LDLRAP1: variants seen among roughly 807,000 people sequenced by gnomAD.
The protein encoded by LDLRAP1 is low density lipoprotein receptor adapter protein 1.
LDLRAP1 carries 30 observed loss-of-function variants against 37.8 expected under a neutral mutation model. The observed-to-expected ratio is 0.79, with a 90% CI of 0.59 to 1.08. The LOEUF is 1.08. LDLRAP1 is among the 50% of genes least tolerant of loss of function. The probability of loss-of-function intolerance (pLI) is 0.00; values close to 1 mark genes in which losing one functional copy is unlikely to be tolerated. For synonymous variants in LDLRAP1, 156 were observed against 169.8 expected, an observed-to-expected ratio of 0.92 and a Z score of 0.63; for missense variants, 375 against 401.6, an observed-to-expected ratio of 0.93 and a Z score of 0.57.
chr1:25,579,146 A>G, the LDLRAP1 span, among the ~76,000 whole-genome samples: 1 of 152,164 alleles, frequency 6.6e-6, no homozygotes, highest in Non-Finnish European at 1.5e-5. Context: ...CAGGCTACCA[A>G]CATGACATCA....
chr1:25,583,099 C>T, the LDLRAP1 span, among the ~76,000 whole-genome samples: 1 of 151,184 alleles, frequency 6.6e-6, no homozygotes, highest in Non-Finnish European at 1.5e-5. Context: ...CCATTCCACT[C>T]TCTTTTTGTT....
chr1:25,559,176 A>G (rs182205404), intron 4 of LDLRAP1, among the ~76,000 whole-genome samples: 69 of 152,098 alleles, frequency 4.5e-4, no homozygotes, highest in African/African-American at 1.6e-3. Context: ...GTCTTTTAGG[A>G]GGCCACACAG....
chr1:25,562,253 T>C (rs2044359683), intron 4 of LDLRAP1, among the ~76,000 whole-genome samples: 1 of 152,160 alleles, frequency 6.6e-6, no homozygotes, highest in South Asian at 2.1e-4. Flanking sequence ...CCACAGGTAA[T>C]TAGGGAGGGT....
At chr1:25,546,363 G>T (rs1428298738) in intron 1 of LDLRAP1, among the ~76,000 whole-genome samples, 5 of 152,188 alleles carry the variant, frequency 3.3e-5, no homozygotes, top group African/African-American at 1.2e-4. Flanking sequence ...AAGAAGCCCA[G>T]AGAAGGGCAG....
At chr1:25,562,514 T>C in intron 4 of LDLRAP1, 130 bp from the exon 5 acceptor site, 1 of 763,150 alleles carries the variant, frequency 1.3e-6, no homozygotes. Flanking sequence ...TTCCAGAGCC[T>C]GGGATGGAGC....
chr1:25,571,717 A>C (rs1402350823), downstream of LDLRAP1, among the ~76,000 whole-genome samples: 2 of 152,230 alleles, frequency 1.3e-5, no homozygotes, highest in Non-Finnish European at 2.9e-5. Context: ...TTGGCAAATC[A>C]GGATGACCTT....
At position 25,554,204 on chromosome 1, in the gene LDLRAP1, T is replaced by G; in HGVS notation, c.231+140T>G. ...CCCTTCATTCTCCTTCCATCCAGCT[T>G]TTGGGCCTTGGCAGAGGGGAACCAT... On this transcript the variant is annotated intron_variant, in intron 2 of 8. Coordinates refer to ENST00000374338, the MANE Select transcript of LDLRAP1 (RefSeq NM_015627.3). The surrounding 1 kb of genome is among the most constrained non-coding windows in gnomAD (Gnocchi z 5.4). The G allele has an allele frequency of 8.9e-7, 1 of 1,127,110 alleles. No individual in the cohort carries two copies. Among genetic ancestry groups the G allele is most frequent in the Admixed American group, 2.1e-5 (1 of 48,748 alleles). The allele number at this position is 1,127,110 out of a possible 1,614,324, so 69.8% of individuals were successfully genotyped here.
intron 1 of LDLRAP1, among the ~76,000 whole-genome samples, chr1:25,549,636 CG>C (rs1344537548): frequency 3.3e-5 from 5 of 152,180 alleles, no homozygotes; most frequent in African/African-American, 1.2e-4. Context: ...TAACTAGGAC[CG>C]GAACAGGGCT....
chr1:25,574,566 G>A, the LDLRAP1 span, among the ~76,000 whole-genome samples: 4 of 152,186 alleles, frequency 2.6e-5, no homozygotes, highest in Non-Finnish European at 5.9e-5. Flanking sequence ...TCTGTGTGTC[G>A]GGAGCCCTGT....
downstream of LDLRAP1, among the ~76,000 whole-genome samples, chr1:25,571,938 G>A (rs1016902300): frequency 2.0e-5 from 3 of 152,144 alleles, no homozygotes; most frequent in Admixed American, 6.5e-5. Context: ...TGACCCCCTC[G>A]CAGTCCAGGG....
At chr1:25,582,258 T>TC in the LDLRAP1 span, among the ~76,000 whole-genome samples, 2 of 152,318 alleles carry the variant, frequency 1.3e-5, no homozygotes, top group East Asian at 1.9e-4. Context: ...CTAAGATACT[T>TC]CCCCCGCTCT....
In LDLRAP1 at chr1:25,563,013, G is replaced by C. The variant is rs778972911; in HGVS notation, c.533-57G>C. The C allele has an allele frequency of 3.3e-6, 5 of 1,529,638 alleles. No homozygotes were observed. The African/African-American group carries it at 4.1e-5, about 13-fold the overall frequency. 94.8% of individuals were successfully genotyped at this position (1,529,638 alleles called of 1,614,324 possible). A position where few individuals can be genotyped will look rare whatever the true frequency, so the allele number is the denominator to read the frequency against. On this transcript the variant is annotated intron_variant, in intron 5 of 8. Transcript: ENST00000374338. ...CGCTAATCACCCCTGCCCGGTGATT[G>C]CTGGGGACAGAGTGCTGGGGTCTGA...
At position 25,566,977 on chromosome 1, in the gene LDLRAP1, C is replaced by G; in HGVS notation, c.912C>G (p.Asp304Glu). 1 of 1,613,448 alleles carries G rather than the reference C, an allele frequency of 6.2e-7. No individual in the cohort carries two copies. Among genetic ancestry groups the G allele is most frequent in the Non-Finnish European group, 8.5e-7 (1 of 1,180,024 alleles). ...KPDSSGTEQDDLFSF is the reference protein window; with the variant it reads ...KPDSSGTEQDELFSF ...ACAGCAGCGGCACAGAGCAGGATGA[C>G]CTCTTCAGCTTCTGAGGGCCCGGGG... The change falls in exon 9 of 9, where the codon GAC (aspartate) becomes GAG (glutamate). Residue 304 changes from aspartate (D) to glutamate (E), a missense_variant. By Grantham distance (45) the Asp-to-Glu change is conservative. Coordinates refer to ENST00000374338, the MANE Select transcript of LDLRAP1 (RefSeq NM_015627.3).
chr1:25,543,718 C>G lies in LDLRAP1; in HGVS notation c.20C>G (p.Ala7Gly). 1.6e-6 allele frequency: 2 copies of G among 1,214,116 alleles called. No individual in the cohort carries two copies. Among genetic ancestry groups the G allele is most frequent in the Non-Finnish European group, 2.0e-6 (2 of 976,618 alleles). The allele number at this position is 1,214,116 out of a possible 1,614,324, so 75.2% of individuals were successfully genotyped here. A position where few individuals can be genotyped will look rare whatever the true frequency, so the allele number is the denominator to read the frequency against. MDALKS[A>G]GRALIRSPSL... ...CGGGCCATGGACGCGCTCAAGTCGGCGGGGCGGGCGCTGATCCGGAGCCCC... is the reference window on the plus strand; with the variant it reads ...CGGGCCATGGACGCGCTCAAGTCGGGGGGGCGGGCGCTGATCCGGAGCCCC... Residue 7 changes from alanine (A) to glycine (G), a missense_variant, in exon 1 of 9, where the codon GCG becomes GGG. Ala to Gly is a moderately conservative substitution (Grantham distance 60). Coordinates refer to ENST00000374338, the MANE Select transcript of LDLRAP1 (RefSeq NM_015627.3).
intron 6 of LDLRAP1, among the ~76,000 whole-genome samples, 183 bp from the exon 7 acceptor site, chr1:25,563,477 TA>T (rs1035123378): frequency 2.0e-5 from 3 of 152,220 alleles, no homozygotes; most frequent in Non-Finnish European, 4.4e-5. Context: ...TCTAAGCCAT[TA>T]GTCAGGTTCT....
intron 4 of LDLRAP1, among the ~76,000 whole-genome samples, chr1:25,559,470 A>G (rs1388772662): frequency 6.6e-6 from 1 of 152,232 alleles, no homozygotes; most frequent in Non-Finnish European, 1.5e-5. Context: ...GCCGCTGCTC[A>G]GCCACTGACT....
At chr1:25,552,160 G>T (rs2044086983) in intron 1 of LDLRAP1, among the ~76,000 whole-genome samples, 1 of 152,184 alleles carries the variant, frequency 6.6e-6, no homozygotes, top group Non-Finnish European at 1.5e-5. Context: ...GAGAGGGGCA[G>T]CAGGGATCCA....
rs1557703263 is a variant in LDLRAP1 at position 25,557,221 on chromosome 1, AC to A, written c.415del (p.Gln139ArgfsTer23). The A allele has an allele frequency of 1.9e-6, 3 of 1,611,820 alleles. No individual in the cohort carries two copies. In the South Asian group the frequency reaches 3.3e-5, roughly 18 times the overall value. On this transcript the variant is annotated frameshift_variant, in exon 4 of 9. Transcript: ENST00000374338. LOFTEE classifies it high-confidence loss of function. ...GCATACATCGCCCAGAGCCAGCACA[AC>A]CAGAGCCTCGAGTGCCACGCCTTCC... is the stretch of plus-strand genomic sequence containing the variant. Reference protein sequence around the residue: ...VFAYIAQSQHNQSLECHAFLC... With the variant: ...VFAYIAQSQHXQSLECHAFLC...
intron 1 of LDLRAP1, among the ~76,000 whole-genome samples, chr1:25,552,772 T>A (rs1342706265): frequency 6.6e-6 from 1 of 152,182 alleles, no homozygotes; most frequent in Non-Finnish European, 1.5e-5. Context: ...CTCACCTACG[T>A]GGTGGGGCGC....
Sources: allele counts gnomAD v4.1 joint callset (sites outside exome capture counted in the v4.1 genomes callset), GRCh38; gene constraint gnomAD v4.1.1; non-coding constraint Gnocchi (gnomAD v3.1); transcripts MANE v1.5; gene names NCBI Gene and HGNC (gene_info 2026-07-23, HGNC 2026-07-21).